Variants in DEGS2 observed in about 807,000 individuals in gnomAD.
DEGS2 encodes delta 4-desaturase, sphingolipid 2.
DEGS2 carries 19 observed loss-of-function variants against 23.8 expected under a neutral mutation model. The ratio of observed to expected loss-of-function variants is 0.80; its 90% CI spans 0.56 to 1.17. The LOEUF is 1.17. Ranked by LOEUF, DEGS2 falls within the 50% of genes most tolerant of loss-of-function variation. The pLI, the probability that DEGS2 is intolerant of heterozygous loss-of-function variation, is 0.00. For synonymous variants in DEGS2, 218 were observed against 213.7 expected (o/e 1.02, Z -0.18); for missense variants, 390 against 459.5 (o/e 0.85, Z 1.38).
At chr14:100,166,353 G>GGGGGAGTC in the DEGS2 span, among the ~76,000 whole-genome samples, 46 of 41,492 alleles carry the variant, frequency 1.1e-3, 9 homozygotes, top group African/African-American at 2.1e-3. Flanking sequence ...CCGGGGCTGT[G>GGGGGAGTC]GGGGGAGCCT....
chr14:100,149,726 G>A lies in DEGS2; in HGVS notation c.83-16C>T, dbSNP rs1437621009. The stretch of plus-strand genomic sequence containing the variant: ...GGGTACTTGGCTGCAAGGAAGACAG[G>A]GAGGTATGAGGCCCCGCTCGGTGGG... On this transcript the variant is annotated splice_polypyrimidine_tract_variant and intron_variant, in intron 1 of 2. Transcript: ENST00000305631. The A allele has an allele frequency of 6.3e-7, 1 of 1,582,830 alleles. No individual in the cohort carries two copies. Among genetic ancestry groups the A allele is most frequent in the Non-Finnish European group, 8.6e-7 (1 of 1,163,592 alleles).
intron 2 of DEGS2, among the ~76,000 whole-genome samples, chr14:100,147,342 G>A (rs909816262): frequency 2.4e-4 from 36 of 152,070 alleles, no homozygotes; most frequent in Admixed American, 1.9e-3. Context: ...CCCACTGCTC[G>A]GGGGAGTTCT....
intron 1 of DEGS2, among the ~76,000 whole-genome samples, chr14:100,151,931 G>A (rs1595276946): frequency 6.6e-6 from 1 of 152,280 alleles, no homozygotes; most frequent in East Asian, 1.9e-4. Flanking sequence ...GAGTGGGGAC[G>A]TGCCAGGAAC....
Position 100,146,920 on chromosome 14 carries a change from G to A in DEGS2, c.826-13C>T, listed in dbSNP as rs1566739810. On this transcript the variant is annotated splice_polypyrimidine_tract_variant and intron_variant, in intron 2 of 2. Transcript: ENST00000305631. ...CGATCTTCCGCACCTGTAGAGAGGA[G>A]GGCGGGGCTCAGGGGCTGGTTCTCC... 6.2e-7 allele frequency: 1 copy of A among 1,608,934 alleles called. No individual in the cohort carries two copies. Among genetic ancestry groups the A allele is most frequent in the Admixed American group, 1.7e-5 (1 of 59,590 alleles).
intron 1 of DEGS2, among the ~76,000 whole-genome samples, chr14:100,153,252 CAGATAGATAGATAGATAGATAGATAGAT>C (rs61183768): frequency 3.4e-4 from 50 of 147,554 alleles, no homozygotes; most frequent in East Asian, 4.1e-4. Flanking sequence ...ATGGCAAAAA[CAGATAGATAGATAGATAGATAGATAGAT>C]AGATAGATAG....
At chr14:100,152,348 T>C (rs990985050) in intron 1 of DEGS2, among the ~76,000 whole-genome samples, 3 of 152,028 alleles carry the variant, frequency 2.0e-5, no homozygotes, top group Middle Eastern at 3.4e-3. Context: ...TCACTGGAGC[T>C]GGGTGCCAAG....
chr14:100,157,196 C>T (rs1271285950), intron 1 of DEGS2, among the ~76,000 whole-genome samples: 1 of 152,212 alleles, frequency 6.6e-6, no homozygotes, highest in Admixed American at 6.5e-5. Context: ...GGACGACTGC[C>T]CGTTTTGCAG....
In DEGS2 at chr14:100,159,568, C is replaced by T. The variant is rs756537679; in HGVS notation, c.20G>A (p.Arg7His). MGNSAS[R>H]SDFEWVYTDQ... ...GGTGTAGACCCACTCGAAGTCGCTGCGGCTCGCGCTGTTGCCCATGGTGGG... is the reference window on the plus strand; with the variant it reads ...GGTGTAGACCCACTCGAAGTCGCTGTGGCTCGCGCTGTTGCCCATGGTGGG... The change falls in exon 1 of 3, where the codon CGC (arginine) becomes CAC (histidine). Residue 7 changes from arginine (R) to histidine (H), a missense_variant. Physicochemically the swap from Arg to His is conservative, Grantham distance 29. Transcript: ENST00000305631. 2 of 1,498,328 alleles carry T rather than the reference C, an allele frequency of 1.3e-6. No homozygotes were observed. Among genetic ancestry groups the T allele is most frequent in the Admixed American group, 2.2e-5 (1 of 45,692 alleles). The allele number at this position is 1,498,328 out of a possible 1,614,324, so 92.8% of individuals were successfully genotyped here.
intron 1 of DEGS2, among the ~76,000 whole-genome samples, chr14:100,151,799 C>G (rs532283578): frequency 5.8e-4 from 88 of 152,374 alleles, no homozygotes; most frequent in African/African-American, 2.0e-3. Context: ...TGGGTCTACT[C>G]TGCACCCACC....
At chr14:100,166,348 GCT>G in the DEGS2 span, among the ~76,000 whole-genome samples, 1 of 54,598 alleles carries the variant, frequency 1.8e-5, no homozygotes. Flanking sequence ...CCTGCCCGGG[GCT>G]GTGGGGGGAG....
chr14:100,161,203 C>A (rs1378098392), upstream of DEGS2, among the ~76,000 whole-genome samples: 4 of 152,220 alleles, frequency 2.6e-5, no homozygotes, highest in African/African-American at 9.6e-5. Flanking sequence ...GATCTGCCGC[C>A]CTGAGCCCCA....
Position 100,147,658 on chromosome 14 carries a change from G to GCCCCCCCCCCCC in DEGS2, c.826-763_826-752dup, listed in dbSNP as rs10709140. 6.1e-5 allele frequency among the ~76,000 whole-genome samples: 5 copies of GCCCCCCCCCCCC among 81,334 alleles called. 1 individual carries two copies. Among genetic ancestry groups the GCCCCCCCCCCCC allele is most frequent in the Non-Finnish European group, 1.0e-4 (4 of 39,550 alleles). The allele number at this position is 81,334 out of a possible 152,430, so 53.4% of individuals were successfully genotyped here. On this transcript the variant is annotated intron_variant, in intron 2 of 2. Coordinates refer to ENST00000305631, the MANE Select transcript of DEGS2 (RefSeq NM_206918.3). ...CTCCCATCACAGGGATGCCCTCCCTGCCCCCCCCCCCCAGGATGCCTTTCC... is the reference window on the plus strand; with the variant it reads ...CTCCCATCACAGGGATGCCCTCCCTGCCCCCCCCCCCCCCCCCCCCCCCCAGGATGCCTTTCC...
rs1428919436 is a variant in DEGS2, at chr14:100,146,703, G to T, written c.*58C>A. On this transcript the variant is annotated 3_prime_UTR_variant, in exon 3 of 3. Coordinates refer to ENST00000305631, the MANE Select transcript of DEGS2 (RefSeq NM_206918.3). ...AGGAAATGTAGCTTCTCAGTGCTGGGGTGCAAGGCTGAGGGGCCGATGGGG... is the reference window on the plus strand; with the variant it reads ...AGGAAATGTAGCTTCTCAGTGCTGGTGTGCAAGGCTGAGGGGCCGATGGGG... 6.3e-7 allele frequency: 1 copy of T among 1,590,450 alleles called. No homozygotes were observed. The highest frequency in any genetic ancestry group is 8.6e-7 in the Non-Finnish European group (1 of 1,168,298).
In DEGS2 at chr14:100,149,700, C is replaced by G; in HGVS notation, c.93G>C (p.Pro31=). The change falls in exon 2 of 3, where the codon CCG becomes CCC. Residue 31 remains proline, a synonymous_variant. Coordinates refer to ENST00000305631, the MANE Select transcript of DEGS2 (RefSeq NM_206918.3). The part of the protein sequence containing the change: ...QRRKEILAKY[P]AIKALMRPDP... Reference sequence around the variant, plus strand: ...CTGGCCGCATCAGGGCCTTGATGGCCGGGTACTTGGCTGCAAGGAAGACAG... The same window carrying G: ...CTGGCCGCATCAGGGCCTTGATGGCGGGGTACTTGGCTGCAAGGAAGACAG... 2 of 1,600,662 alleles carry G rather than the reference C, an allele frequency of 1.2e-6. No homozygotes were observed. The highest frequency in any genetic ancestry group is 1.1e-5 in the South Asian group (1 of 89,494).
chr14:100,147,422 C>T (rs1197885225), intron 2 of DEGS2, among the ~76,000 whole-genome samples: 3 of 152,196 alleles, frequency 2.0e-5, no homozygotes, highest in African/African-American at 4.8e-5. Flanking sequence ...ACCCATGCAT[C>T]TCAGCCCTGT....
upstream of DEGS2, among the ~76,000 whole-genome samples, chr14:100,162,373 A>C (rs911738733): frequency 3.9e-4 from 46 of 118,724 alleles, no homozygotes; most frequent in African/African-American, 1.6e-3. Context: ...AAAATAAATA[A>C]AATAAATAAA....
chr14:100,163,305 G>A (rs747034557), upstream of DEGS2, among the ~76,000 whole-genome samples: 1 of 152,166 alleles, frequency 6.6e-6, no homozygotes, highest in Non-Finnish European at 1.5e-5. Context: ...GCCAGGCGTG[G>A]TGGCACACGC....
chr14:100,149,037 G>C lies in DEGS2; in HGVS notation c.756C>G (p.Ile252Met). Residue 252 changes from isoleucine to methionine, a missense_variant, in exon 2 of 3, where the codon ATC (isoleucine) becomes ATG (methionine). By Grantham distance (10) the Ile-to-Met change is conservative. Transcript: ENST00000305631. ...CCACGTGGTAGCCCACATTGAAGGT[G>C]ATCCAGTTGAGAGGCCCATAGTAGG... ...TYSYYGPLNW[I>M]TFNVGYHVEH... The C allele has an allele frequency of 6.2e-7, 1 of 1,612,900 alleles. No individual in the cohort carries two copies. Among genetic ancestry groups the C allele is most frequent in the Admixed American group, 1.7e-5 (1 of 60,036 alleles).
intron 2 of DEGS2, 113 bp from the exon 3 acceptor site, chr14:100,147,020 C>T (rs754188524): frequency 6.3e-4 from 833 of 1,323,370 alleles, no homozygotes; most frequent in Non-Finnish European, 7.9e-4. Flanking sequence ...TATTCATGTA[C>T]GAACATGTTT....
Sources: allele counts gnomAD v4.1 joint callset (sites outside exome capture counted in the v4.1 genomes callset), GRCh38; gene constraint gnomAD v4.1.1; transcripts MANE v1.5; gene names NCBI Gene and HGNC (gene_info 2026-07-23, HGNC 2026-07-21).